DNAH2: variants seen among roughly 807,000 people sequenced by gnomAD.
DNAH2 encodes the protein axonemal beta dynein heavy chain 2.
In DNAH2, 323 loss-of-function variants were observed where a neutral mutation model predicts 523.5. The observed-to-expected ratio is 0.62, with a 90% confidence interval of 0.56 to 0.68. The LOEUF is 0.68. Among genes scored for constraint, DNAH2 ranks in the 30% least tolerant of loss-of-function variants. The pLI, the probability that DNAH2 is intolerant of heterozygous loss-of-function variation, is 0.00. For synonymous variants in DNAH2, 2,093 were observed against 2,177.4 expected (o/e 0.96, Z 1.08); for missense variants, 4,907 against 5,701.5 (o/e 0.86, Z 4.49).
intron 73 of DNAH2, among the ~76,000 whole-genome samples, chr17:7,823,076 C>T (rs1294028513): frequency 1.3e-5 from 2 of 152,064 alleles, no homozygotes; most frequent in African/African-American, 2.4e-5. Flanking sequence ...GGATGATCAC[C>T]TGAGATCAGG....
At position 7,768,074 on chromosome 17, in the gene DNAH2, G is replaced by A. The variant is rs1384846816; in HGVS notation, c.3837+13G>A. 7 of 1,614,106 alleles carry A rather than the reference G, an allele frequency of 4.3e-6. No individual in the cohort carries two copies. Among genetic ancestry groups the A allele is most frequent in the Middle Eastern group, 1.6e-4 (1 of 6,062 alleles). On this transcript the variant is annotated intron_variant, in intron 23 of 85. Coordinates refer to ENST00000572933, the MANE Select transcript of DNAH2 (RefSeq NM_020877.5). The stretch of plus-strand genomic sequence containing the variant: ...CAAAGAGTATAAGGTGGGGAGAAAC[G>A]GCGGGGAGGCGGAAGAGAAGCTGGT...
rs1454921207 is a variant in DNAH2, at chr17:7,768,058, T to C, written c.3834T>C (p.Tyr1278=). The C allele has an allele frequency of 1.2e-6, 2 of 1,613,880 alleles. No homozygotes were observed. The highest frequency in any genetic ancestry group is 2.2e-5 in the East Asian group (1 of 44,874). ...FRRLTKLAKE[Y]KDRNWEIIET... ...GCCTCACAAAATTAGCCAAAGAGTA[T>C]AAGGTGGGGAGAAACGGCGGGGAGG... is the stretch of plus-strand genomic sequence containing the variant. Residue 1278 remains tyrosine (Y), a synonymous_variant, in exon 23 of 86, where the codon TAT becomes TAC. Coordinates refer to ENST00000572933, the MANE Select transcript of DNAH2 (RefSeq NM_020877.5).
At chr17:7,801,164 T>C (rs2077212219) in intron 56 of DNAH2, among the ~76,000 whole-genome samples, 1 of 152,086 alleles carries the variant, frequency 6.6e-6, no homozygotes, top group African/African-American at 2.4e-5. Flanking sequence ...CAAACTCCAG[T>C]GCCCGGCCTA....
chr17:7,816,759 T>C (rs765412989), intron 64 of DNAH2, 24 bp downstream of exon 64: 1 of 1,610,104 alleles, frequency 6.2e-7, no homozygotes, highest in Non-Finnish European at 8.5e-7. Context: ...TACTACCTGG[T>C]GTCCTTTCAC....
At chr17:7,725,086 A>C (rs1373886478) in intron 3 of DNAH2, among the ~76,000 whole-genome samples, 1 of 147,326 alleles carries the variant, frequency 6.8e-6, no homozygotes, top group Non-Finnish European at 1.5e-5. Context: ...AAAACATTTT[A>C]TTTGTATTAT....
At chr17:7,733,424 C>T in intron 5 of DNAH2, 109 bp downstream of exon 5, 1 of 950,778 alleles carries the variant, frequency 1.1e-6, no homozygotes, top group Non-Finnish European at 1.6e-6. Flanking sequence ...AGGAAGTATT[C>T]AGCATGCTTA....
chr17:7,763,716 C>G (rs974925021), intron 18 of DNAH2, 115 bp from the exon 19 acceptor site: 13 of 1,268,498 alleles, frequency 1.0e-5, no homozygotes, highest in Non-Finnish European at 1.5e-5. Context: ...GAAGAACACT[C>G]TAGAACTGCT....
intron 12 of DNAH2, among the ~76,000 whole-genome samples, chr17:7,745,992 G>T (rs1597512247): frequency 6.6e-6 from 1 of 152,016 alleles, no homozygotes. Flanking sequence ...CTGAGCCTGA[G>T]TTTCCTCATC....
Position 7,733,332 on chromosome 17 carries a change from G to A in DNAH2, c.628+17G>A. On this transcript the variant is annotated intron_variant, in intron 5 of 85. Coordinates refer to ENST00000572933, the MANE Select transcript of DNAH2 (RefSeq NM_020877.5). ...GCCTGACAGGTAAGTGGGAAGACCG[G>A]AGTGACTAGTTTCTCCTTAGTGTCC... is the stretch of plus-strand genomic sequence containing the variant. 6.2e-7 allele frequency: 1 copy of A among 1,612,662 alleles called. No homozygotes were observed. The highest frequency in any genetic ancestry group is 8.5e-7 in the Non-Finnish European group (1 of 1,179,428).
rs117579002 is a variant in DNAH2, at chr17:7,805,415, C to A, written c.9442+22C>A. 2.3e-3 allele frequency: 3,734 copies of A among 1,613,794 alleles called. 21 individuals are homozygous for A. The highest frequency in any genetic ancestry group is 0.014 in the Middle Eastern group (82 of 6,062). On this transcript the variant is annotated intron_variant, in intron 61 of 85. Transcript: ENST00000572933. The stretch of plus-strand genomic sequence containing the variant: ...CTAGGTAAGCTAGAGACAATGAAAT[C>A]AATGACTTCCACTCACCCAGTGTTT...
intron 49 of DNAH2, 86 bp downstream of exon 49, chr17:7,794,444 G>C (rs555542985): frequency 1.4e-4 from 174 of 1,242,578 alleles, no homozygotes; most frequent in Non-Finnish European, 1.8e-4. Context: ...CAGATCCCAG[G>C]GGGCTGCGGC....
Position 7,733,247 on chromosome 17 carries a change from C to A in DNAH2, c.560C>A (p.Thr187Lys), listed in dbSNP as rs1008155431. The change falls in exon 5 of 86, where the codon ACA becomes AAA. Residue 187 changes from threonine (T) to lysine (K), a missense_variant. Physicochemically the swap from Thr to Lys is moderately conservative, Grantham distance 78. Transcript: ENST00000572933. ...GVFAPQIFAN[T>K]GWPESIRNHF... ...TTTGCCCCTCAGATCTTTGCAAACA[C>A]AGGCTGGCCTGAGAGCATTAGAAAT... 1.2e-6 allele frequency: 2 copies of A among 1,614,234 alleles called. No individual in the cohort carries two copies. The highest frequency in any genetic ancestry group is 2.2e-5 in the South Asian group (2 of 91,086).
At chr17:7,724,693 GT>G (rs1232574951) in intron 3 of DNAH2, among the ~76,000 whole-genome samples, 2 of 149,750 alleles carry the variant, frequency 1.3e-5, no homozygotes, top group Non-Finnish European at 3.0e-5. Flanking sequence ...TTGTGCACAG[GT>G]TTGTAAGTTT....
intron 18 of DNAH2, among the ~76,000 whole-genome samples, chr17:7,762,911 C>T (rs1286607461): frequency 6.6e-6 from 1 of 150,734 alleles, no homozygotes; most frequent in African/African-American, 2.5e-5. Flanking sequence ...AAAAAAAAAC[C>T]TGCCTGAGGT....
At position 7,741,102 on chromosome 17, in the gene DNAH2, G is replaced by A. The variant is rs1010402047; in HGVS notation, c.1689+110G>A. ...AGTCTTCAGGACCAGCACCTATGTC[G>A]GTGAGGGGAGTGGCAGGTCCAGTTC... On this transcript the variant is annotated intron_variant, in intron 11 of 85. Coordinates refer to ENST00000572933, the MANE Select transcript of DNAH2 (RefSeq NM_020877.5). The A allele has an allele frequency of 2.9e-6, 4 of 1,366,772 alleles. No individual in the cohort carries two copies. In the African/African-American group the frequency reaches 5.8e-5, roughly 20 times the overall value. The allele number at this position is 1,366,772 out of a possible 1,614,324, so 84.7% of individuals were successfully genotyped here.
At chr17:7,747,251 G>C (rs2075543740) in intron 12 of DNAH2, among the ~76,000 whole-genome samples, 1 of 151,902 alleles carries the variant, frequency 6.6e-6, no homozygotes, top group South Asian at 2.1e-4. Flanking sequence ...AAAGTGCTGG[G>C]AGCCACTGCA....
intron 4 of DNAH2, among the ~76,000 whole-genome samples, chr17:7,729,688 C>T (rs539933858): frequency 2.6e-5 from 4 of 152,282 alleles, no homozygotes; most frequent in Middle Eastern, 3.4e-3. Flanking sequence ...CCTCGGCCTC[C>T]GAAAGTGCTG....
intron 12 of DNAH2, among the ~76,000 whole-genome samples, chr17:7,755,926 A>C (rs1221540231): frequency 1.3e-5 from 2 of 151,588 alleles, no homozygotes; most frequent in African/African-American, 2.4e-5. Flanking sequence ...CAGCCTCCTG[A>C]CTGATATCTC....
At chr17:7,725,407 T>A (rs919256435) in intron 3 of DNAH2, among the ~76,000 whole-genome samples, 19 of 137,054 alleles carry the variant, frequency 1.4e-4, no homozygotes, top group Admixed American at 1.2e-3. Context: ...TTATTTTATT[T>A]GTATTTGACT....
Sources: allele counts gnomAD v4.1 joint callset (sites outside exome capture counted in the v4.1 genomes callset), GRCh38; gene constraint gnomAD v4.1.1; transcripts MANE v1.5; gene names NCBI Gene and HGNC (gene_info 2026-07-23, HGNC 2026-07-21).